SPATS2: variants seen among roughly 807,000 people sequenced by gnomAD.
The protein encoded by SPATS2 is spermatogenesis-associated serine-rich protein 2.
A neutral mutation model predicts 63.7 loss-of-function variants in SPATS2; 38 were observed. That is an observed-to-expected ratio of 0.60 (90% CI 0.46 to 0.78). The LOEUF (loss-of-function observed/expected upper bound fraction) is 0.78, where lower values mean the gene tolerates loss of function less well. Ranked by LOEUF, SPATS2 falls within the 30% of genes least tolerant of loss-of-function variation. The probability of loss-of-function intolerance (pLI) is 0.00; values close to 1 mark genes in which losing one functional copy is unlikely to be tolerated. For synonymous variants in SPATS2, 207 were observed against 232.9 expected (o/e 0.89, Z 1.01); for missense variants, 588 against 666.2 (o/e 0.88, Z 1.29).
At chr12:49,475,380 A>G (rs896688570) in intron 3 of SPATS2, among the ~76,000 whole-genome samples, 6 of 152,210 alleles carry the variant, frequency 3.9e-5, no homozygotes, top group African/African-American at 1.4e-4. Context: ...TCTTGTTGCT[A>G]CAAAAAAATT....
At chr12:49,494,641 G>A in intron 6 of SPATS2, 100 bp from the exon 7 acceptor site, 1 of 1,169,958 alleles carries the variant, frequency 8.5e-7, no homozygotes, top group Non-Finnish European at 1.2e-6. Flanking sequence ...CAAGAAATTG[G>A]TAACATTGGT....
intron 2 of SPATS2, among the ~76,000 whole-genome samples, chr12:49,371,572 T>A (rs1327590082): frequency 6.6e-6 from 1 of 152,180 alleles, no homozygotes; most frequent in Non-Finnish European, 1.5e-5. Context: ...CATATTGCTG[T>A]AAAGAAATAC....
intron 3 of SPATS2, among the ~76,000 whole-genome samples, chr12:49,463,924 T>C (rs1035036765): frequency 2.6e-5 from 4 of 152,224 alleles, no homozygotes; most frequent in African/African-American, 9.7e-5. Flanking sequence ...GTTAAAACTA[T>C]TGATTACTCC....
chr12:49,398,070 G>A (rs1487329048), intron 2 of SPATS2, among the ~76,000 whole-genome samples: 11 of 145,160 alleles, frequency 7.6e-5, no homozygotes, highest in Non-Finnish European at 3.0e-5. Context: ...GGGCCCAGGA[G>A]GTGCAGATTG....
rs1945791356 is a variant in SPATS2, at chr12:49,459,933, C to A, written c.-243-837C>A. 4.7e-5 allele frequency among the ~76,000 whole-genome samples: 6 copies of A among 127,438 alleles called. No homozygotes were observed. The Admixed American group carries it at 4.7e-4, about 10-fold the overall frequency. The allele number at this position is 127,438 out of a possible 152,430, so 83.6% of individuals were successfully genotyped here. ...CCTGGCCAATATGGTGAAACCCTGT[C>A]TCTACTGAAAAAAAAAAAAAAAAAA... On this transcript the variant is annotated intron_variant, in intron 2 of 13. Transcript: ENST00000552918.
At chr12:49,436,879 TCCCGGACGGGGCGGC>T (rs1945312463) in intron 2 of SPATS2, among the ~76,000 whole-genome samples, 2 of 133,022 alleles carry the variant, frequency 1.5e-5, no homozygotes, top group African/African-American at 5.8e-5. Flanking sequence ...CCCACCTCCC[TCCCGGACGGGGCGGC>T]TGGCCGGGCG....
intron 9 of SPATS2, among the ~76,000 whole-genome samples, chr12:49,504,998 A>G (rs1946633043): frequency 6.6e-6 from 1 of 151,698 alleles, no homozygotes; most frequent in African/African-American, 2.4e-5. Flanking sequence ...TCCTGGGCTC[A>G]AGCGGTCCTC....
chr12:49,485,842 C>G (rs1440082416), intron 4 of SPATS2, among the ~76,000 whole-genome samples: 1 of 150,658 alleles, frequency 6.6e-6, no homozygotes, highest in African/African-American at 2.5e-5. Flanking sequence ...TCCCTTTAGC[C>G]TCCACCTCCT....
intron 2 of SPATS2, among the ~76,000 whole-genome samples, chr12:49,392,568 T>G (rs995534351): frequency 6.8e-6 from 1 of 148,102 alleles, no homozygotes; most frequent in African/African-American, 2.5e-5. Context: ...CAAAAATTGG[T>G]CAGGCGTGGT....
At chr12:49,427,967 A>C (rs560471060) in intron 2 of SPATS2, among the ~76,000 whole-genome samples, 2 of 152,130 alleles carry the variant, frequency 1.3e-5, no homozygotes, top group African/African-American at 4.8e-5. Flanking sequence ...TAATTAAAAA[A>C]ATTTCAGGCC....
chr12:49,486,117 C>T, intron 4 of SPATS2: 3 of 409,356 alleles, frequency 7.3e-6, no homozygotes, highest in South Asian at 5.5e-5. Flanking sequence ...TGGTTGAGTA[C>T]TATAAATACT....
intron 2 of SPATS2, among the ~76,000 whole-genome samples, chr12:49,423,914 G>T (rs1474276839): frequency 3.9e-5 from 6 of 152,054 alleles, no homozygotes; most frequent in Non-Finnish European, 7.4e-5. Flanking sequence ...TCTATTAAGA[G>T]AACTCAGACC....
At chr12:49,389,969 C>A in intron 2 of SPATS2, 1 of 819,232 alleles carries the variant, frequency 1.2e-6, no homozygotes, top group Non-Finnish European at 2.2e-6. Context: ...ATGAAGAAAG[C>A]CATTGAAATT....
intron 2 of SPATS2, among the ~76,000 whole-genome samples, chr12:49,401,045 T>A (rs1394576734): frequency 6.6e-6 from 1 of 152,042 alleles, no homozygotes; most frequent in Non-Finnish European, 1.5e-5. Context: ...ACTAATTTTT[T>A]TGATTTTTTT....
chr12:49,422,718 G>A (rs542519897), intron 2 of SPATS2, among the ~76,000 whole-genome samples: 2 of 151,990 alleles, frequency 1.3e-5, no homozygotes, highest in Admixed American at 6.6e-5. Context: ...ATCAGCCTGC[G>A]CAAGGCAACA....
intron 9 of SPATS2, among the ~76,000 whole-genome samples, chr12:49,505,989 A>G (rs187082924): frequency 5.3e-5 from 8 of 151,558 alleles, no homozygotes; most frequent in Non-Finnish European, 8.8e-5. Flanking sequence ...TTCAGTAGAA[A>G]GCATACTTTG....
chr12:49,446,935 T>G (rs1205363930), intron 2 of SPATS2, among the ~76,000 whole-genome samples: 1 of 150,940 alleles, frequency 6.6e-6, no homozygotes, highest in Non-Finnish European at 1.5e-5. Flanking sequence ...TTCTTTTCTT[T>G]TTTTTTTTTT....
At chr12:49,427,992 A>G (rs573120898) in intron 2 of SPATS2, among the ~76,000 whole-genome samples, 2 of 152,022 alleles carry the variant, frequency 1.3e-5, no homozygotes, top group East Asian at 3.9e-4. Context: ...GCGGTGGCTC[A>G]TGCCTGTAAT....
At chr12:49,385,050 T>G (rs1166892061) in intron 2 of SPATS2, among the ~76,000 whole-genome samples, 1 of 151,934 alleles carries the variant, frequency 6.6e-6, no homozygotes, top group Non-Finnish European at 1.5e-5. Flanking sequence ...CTCAGGTGAT[T>G]TGCCCGCCTC....
Sources: allele counts gnomAD v4.1 joint callset (sites outside exome capture counted in the v4.1 genomes callset), GRCh38; gene constraint gnomAD v4.1.1; transcripts MANE v1.5; gene names NCBI Gene and HGNC (gene_info 2026-07-23, HGNC 2026-07-21).